LDB2: variants seen among roughly 807,000 people sequenced by gnomAD.
LDB2 encodes LIM domain binding 2.
In LDB2, 12 loss-of-function variants were observed where a neutral mutation model predicts 44.3. That is an observed-to-expected ratio of 0.27 (90% confidence interval 0.17 to 0.44). The LOEUF is 0.44. Among genes scored for constraint, LDB2 ranks in the 20% least tolerant of loss-of-function variants. The probability of loss-of-function intolerance (pLI) is 1.00; values close to 1 mark genes in which losing one functional copy is unlikely to be tolerated. For synonymous variants in LDB2, 164 were observed against 174.8 expected (o/e 0.94, Z 0.49); for missense variants, 344 against 473.5 (o/e 0.73, Z 2.54).
chr4:16,677,931 CG>C (rs1319812039), intron 2 of LDB2, among the ~76,000 whole-genome samples: 1 of 152,164 alleles, frequency 6.6e-6, no homozygotes, highest in Admixed American at 6.5e-5. Context: ...ATGTCAGTTT[CG>C]GCAAAATTTA....
intron 1 of LDB2, among the ~76,000 whole-genome samples, chr4:16,847,081 G>A (rs1787166177): frequency 6.6e-6 from 1 of 152,040 alleles, no homozygotes. Context: ...TTGAATAGTT[G>A]AGGTTCTAGT....
At chr4:16,668,945 G>T (rs1422875146) in intron 2 of LDB2, among the ~76,000 whole-genome samples, 1 of 152,200 alleles carries the variant, frequency 6.6e-6, no homozygotes, top group Non-Finnish European at 1.5e-5. Context: ...TCCTGCTACA[G>T]TGTGGATATG....
At chr4:16,551,139 G>T (rs1034786658) in intron 5 of LDB2, among the ~76,000 whole-genome samples, 16 of 152,180 alleles carry the variant, frequency 1.1e-4, no homozygotes. Flanking sequence ...ATAAGATTCT[G>T]AATGGTGGTT....
chr4:16,767,117 T>C (rs1341705062), intron 1 of LDB2, among the ~76,000 whole-genome samples: 1 of 152,168 alleles, frequency 6.6e-6, no homozygotes, highest in African/African-American at 2.4e-5. Context: ...CTGGTCTGAT[T>C]GATGCATGGG....
At chr4:16,760,393 G>A (rs1033672700) in intron 1 of LDB2, among the ~76,000 whole-genome samples, 5 of 152,088 alleles carry the variant, frequency 3.3e-5, no homozygotes, top group African/African-American at 4.8e-5. Flanking sequence ...AAGGAGCCAC[G>A]GAAGATTGAT....
chr4:16,512,329 TACAC>T (rs1560318865), intron 5 of LDB2: 2 of 453,736 alleles, frequency 4.4e-6, no homozygotes, highest in East Asian at 3.9e-5. Flanking sequence ...TTCACACGGA[TACAC>T]ACACAGACAC....
intron 2 of LDB2, among the ~76,000 whole-genome samples, chr4:16,600,858 G>C (rs1722385090): frequency 6.6e-6 from 1 of 151,922 alleles, no homozygotes; most frequent in African/African-American, 2.4e-5. Context: ...TTTTTTCCTT[G>C]TTTAGAAACA....
intron 1 of LDB2, among the ~76,000 whole-genome samples, chr4:16,853,777 T>C (rs1414381527): frequency 6.6e-6 from 1 of 152,096 alleles, no homozygotes; most frequent in Non-Finnish European, 1.5e-5. Flanking sequence ...ATATATGCAA[T>C]GGAATATTAT....
intron 2 of LDB2, among the ~76,000 whole-genome samples, chr4:16,717,118 T>C (rs1169372633): frequency 6.6e-6 from 1 of 151,682 alleles, no homozygotes; most frequent in Non-Finnish European, 1.5e-5. Context: ...AATCCATCCA[T>C]AGTAGCTTTA....
chr4:16,755,491 G>GTGTC (rs1335402662), intron 2 of LDB2, among the ~76,000 whole-genome samples: 2 of 92,866 alleles, frequency 2.2e-5, no homozygotes, highest in Admixed American at 1.1e-4. Context: ...GTGTGTGTGT[G>GTGTC]TGTGTGTGTG....
chr4:16,632,891 G>T (rs1028169852), intron 2 of LDB2, among the ~76,000 whole-genome samples: 1 of 152,126 alleles, frequency 6.6e-6, no homozygotes, highest in Non-Finnish European at 1.5e-5. Flanking sequence ...ATTCCTCAAG[G>T]ATCTAGAACT....
chr4:16,883,510 A>T (rs2110453049), intron 1 of LDB2, among the ~76,000 whole-genome samples: 1 of 152,364 alleles, frequency 6.6e-6, no homozygotes, highest in South Asian at 2.1e-4. Context: ...GAGCCACACC[A>T]GATACCCGCC....
chr4:16,551,499 ATTTATT>A (rs574662888), intron 5 of LDB2, among the ~76,000 whole-genome samples: 42 of 151,970 alleles, frequency 2.8e-4, no homozygotes, highest in Non-Finnish European at 5.3e-4. Context: ...TCAACTATCT[ATTTATT>A]TTTATTTTTA....
chr4:16,809,909 C>T (rs116690914), intron 1 of LDB2, among the ~76,000 whole-genome samples: 4 of 152,110 alleles, frequency 2.6e-5, no homozygotes, highest in Admixed American at 6.5e-5. Context: ...ATACACTCGG[C>T]GGTAAATAAC....
At chr4:16,775,062 A>G (rs1771600953) in intron 1 of LDB2, among the ~76,000 whole-genome samples, 1 of 152,214 alleles carries the variant, frequency 6.6e-6, no homozygotes, top group African/African-American at 2.4e-5. Context: ...GGGTGATTTC[A>G]TTTACACAAA....
At chr4:16,819,417 G>A (rs1195553841) in intron 1 of LDB2, among the ~76,000 whole-genome samples, 27 of 132,860 alleles carry the variant, frequency 2.0e-4, no homozygotes, top group African/African-American at 7.4e-4. Context: ...TCAGATTTTG[G>A]TCAAAGAAGA....
intron 5 of LDB2, among the ~76,000 whole-genome samples, chr4:16,542,069 A>G (rs1298883520): frequency 1.5e-5 from 2 of 131,870 alleles, no homozygotes; most frequent in Non-Finnish European, 3.1e-5. Flanking sequence ...CAGCAAATCT[A>G]TAACAATCCT....
chr4:16,654,931 A>G lies in LDB2; in HGVS notation c.236-59056T>C, dbSNP rs540326051. Among the ~76,000 whole-genome samples the G allele has an allele frequency of 5.9e-5, 9 of 152,352 alleles. No homozygotes were observed. The South Asian group carries it at 1.9e-3, about 32-fold the overall frequency. ...TTCAGAATCCCAAAGATGTGAATAC[A>G]TGAAAGCTCTTCCCTAATGTCCACG... is the stretch of plus-strand genomic sequence containing the variant. On this transcript the variant is annotated intron_variant, in intron 2 of 7. Transcript: ENST00000304523.
At chr4:16,886,247 C>T (rs991943371) in intron 1 of LDB2, among the ~76,000 whole-genome samples, 9 of 152,028 alleles carry the variant, frequency 5.9e-5, no homozygotes, top group African/African-American at 9.7e-5. Flanking sequence ...CAAACAAAAG[C>T]TGATCTCAAA....
Sources: allele counts gnomAD v4.1 joint callset (sites outside exome capture counted in the v4.1 genomes callset), GRCh38; gene constraint gnomAD v4.1.1; transcripts MANE v1.5; gene names NCBI Gene and HGNC (gene_info 2026-07-23, HGNC 2026-07-21).